Variants in HECTD2 observed in about 807,000 individuals in gnomAD.
HECTD2 encodes probable E3 ubiquitin-protein ligase HECTD2.
In HECTD2, 35 loss-of-function variants were observed where a neutral mutation model predicts 103.2. The observed-to-expected ratio is 0.34, with a 90% confidence interval of 0.26 to 0.45. HECTD2 has a LOEUF of 0.45. HECTD2 is among the 20% of genes least tolerant of loss of function. The pLI is 1.00. For missense variants in HECTD2, 596 were observed against 937.4 expected (o/e 0.64, Z 4.76); for synonymous variants, 281 against 329.9 (o/e 0.85, Z 1.61).
intron 5 of HECTD2, among the ~76,000 whole-genome samples, chr10:91,464,016 CAG>C (rs1845446303): frequency 6.6e-6 from 1 of 152,040 alleles, no homozygotes; most frequent in Non-Finnish European, 1.5e-5. Flanking sequence ...AACTAAGAAA[CAG>C]AATTAACCTA....
intron 2 of HECTD2, among the ~76,000 whole-genome samples, chr10:91,437,648 GT>G (rs1172556159): frequency 9.8e-5 from 9 of 91,730 alleles, no homozygotes; most frequent in African/African-American, 3.3e-4. Flanking sequence ...TGGTTGTTTT[GT>G]TTTTTTTGTT....
At position 91,501,247 on chromosome 10, in the gene HECTD2, A is replaced by G. The variant is rs1055208138; in HGVS notation, c.2123A>G (p.His708Arg). The G allele has an allele frequency of 8.1e-6, 13 of 1,610,374 alleles. No homozygotes were observed. The highest frequency in any genetic ancestry group is 1.7e-5 in the Admixed American group (1 of 59,756). ...FPLDLQKKLLHFTTGSDRVPV... is the reference protein window; with the variant it reads ...FPLDLQKKLLRFTTGSDRVPV... Reference sequence around the variant, plus strand: ...CTTGATCTTCAAAAGAAGTTGCTACATTTTACTACAGGGAGTGACAGAGTA... The same window carrying G: ...CTTGATCTTCAAAAGAAGTTGCTACGTTTTACTACAGGGAGTGACAGAGTA... The change falls in exon 20 of 21, where the codon CAT becomes CGT. Residue 708 changes from histidine (H) to arginine (R), a missense_variant. Coordinates refer to ENST00000298068, the MANE Select transcript of HECTD2 (RefSeq NM_182765.6).
At chr10:91,410,283 A>AAGGCGC (rs1476075802), upstream of HECTD2, 42 of 213,180 alleles carry the variant, frequency 2.0e-4, no homozygotes, top group Admixed American at 2.7e-4. Flanking sequence ...CTCGCGCGCA[A>AAGGCGC]AGGCGCGGGC....
At chr10:91,500,814 A>G (rs1846871433) in intron 19 of HECTD2, among the ~76,000 whole-genome samples, 197 bp downstream of exon 19, 1 of 152,204 alleles carries the variant, frequency 6.6e-6, no homozygotes. Context: ...AGAAAATTCT[A>G]TAAGCAAGTT....
chr10:91,490,890 C>CA (rs61035151), intron 11 of HECTD2, among the ~76,000 whole-genome samples: 1,291 of 13,576 alleles, frequency 0.095, 347 homozygotes, highest in African/African-American at 0.17. Context: ...GACTCCGTCT[C>CA]AAAAAAAAAA....
intron 1 of HECTD2, among the ~76,000 whole-genome samples, chr10:91,411,226 G>C (rs1842906227): frequency 6.6e-6 from 1 of 152,046 alleles, no homozygotes; most frequent in South Asian, 2.1e-4. Flanking sequence ...CTGTATCTTC[G>C]TAAGGGTTAT....
At chr10:91,474,443 A>G (rs565142965) in intron 5 of HECTD2, among the ~76,000 whole-genome samples, 8 of 152,370 alleles carry the variant, frequency 5.3e-5, no homozygotes, top group African/African-American at 1.7e-4. Flanking sequence ...CTTCTAAACC[A>G]AAGGAAGTTG....
chr10:91,496,245 C>G lies in HECTD2; in HGVS notation c.1553C>G (p.Thr518Ser), dbSNP rs1403604261. The change falls in exon 15 of 21, where the codon ACC becomes AGC. Residue 518 changes from threonine to serine, a missense_variant. Thr to Ser is a moderately conservative substitution (Grantham distance 58). Coordinates refer to ENST00000298068, the MANE Select transcript of HECTD2 (RefSeq NM_182765.6). ...GGACTAGCTGTTTATAACAGCATCA[C>G]CTTGGATATTCGTTTCCCTCCCTGC... is the stretch of plus-strand genomic sequence containing the variant. ...LMGLAVYNSITLDIRFPPCCY... is the reference protein window; with the variant it reads ...LMGLAVYNSISLDIRFPPCCY... The G allele has an allele frequency of 1.9e-6, 3 of 1,612,624 alleles. No homozygotes were observed. The Admixed American group carries it at 5.0e-5, about 27-fold the overall frequency.
At chr10:91,437,964 A>G (rs913554040) in intron 2 of HECTD2, among the ~76,000 whole-genome samples, 2 of 152,018 alleles carry the variant, frequency 1.3e-5, no homozygotes, top group South Asian at 2.1e-4. Flanking sequence ...TTAAAAAAAC[A>G]ATTTATTAGA....
At chr10:91,471,003 G>C (rs11186578) in intron 5 of HECTD2, among the ~76,000 whole-genome samples, 4 of 143,902 alleles carry the variant, frequency 2.8e-5, no homozygotes, top group Admixed American at 1.3e-4. Flanking sequence ...CACACACACA[G>C]ACACACACGC....
intron 2 of HECTD2, among the ~76,000 whole-genome samples, chr10:91,428,222 T>C (rs1470473227): frequency 6.6e-6 from 1 of 151,970 alleles, no homozygotes; most frequent in Non-Finnish European, 1.5e-5. Context: ...CTCTGTTCCG[T>C]TCCATTGATC....
intron 2 of HECTD2, among the ~76,000 whole-genome samples, chr10:91,439,194 G>A (rs1174907088): frequency 6.6e-6 from 1 of 152,114 alleles, no homozygotes; most frequent in African/African-American, 2.4e-5. Flanking sequence ...TTCTTCTAGG[G>A]TTTTTATGGT....
At chr10:91,491,331 T>A in intron 12 of HECTD2, 24 bp downstream of exon 12, 1 of 1,072,624 alleles carries the variant, frequency 9.3e-7, no homozygotes. Context: ...CAAAATGATA[T>A]TAATTAAAGC....
At chr10:91,433,057 A>G (rs1843960878) in intron 2 of HECTD2, among the ~76,000 whole-genome samples, 1 of 151,978 alleles carries the variant, frequency 6.6e-6, no homozygotes, top group Non-Finnish European at 1.5e-5. Context: ...AAGGATTCCT[A>G]CCTTAGAAGA....
intron 2 of HECTD2, among the ~76,000 whole-genome samples, chr10:91,432,736 G>A (rs192700020): frequency 7.6e-4 from 115 of 152,012 alleles, no homozygotes; most frequent in African/African-American, 2.4e-3. Flanking sequence ...CATTTACCTT[G>A]AGAGCAAGCT....
chr10:91,474,334 G>A (rs183549025), intron 5 of HECTD2, among the ~76,000 whole-genome samples: 7 of 152,226 alleles, frequency 4.6e-5, no homozygotes, highest in Admixed American at 4.6e-4. Flanking sequence ...GGTTAGAAGA[G>A]ACTATCACTT....
chr10:91,458,397 C>G (rs746212961), intron 2 of HECTD2, among the ~76,000 whole-genome samples: 12 of 151,856 alleles, frequency 7.9e-5, no homozygotes, highest in African/African-American at 1.9e-4. Context: ...TGTCAAAATT[C>G]CTGTATGTTT....
intron 15 of HECTD2, among the ~76,000 whole-genome samples, chr10:91,496,848 A>T (rs1336455712): frequency 1.3e-5 from 2 of 151,964 alleles, no homozygotes; most frequent in Non-Finnish European, 2.9e-5. Context: ...TTAAAATAAA[A>T]CTTTAATTTT....
intron 6 of HECTD2, among the ~76,000 whole-genome samples, chr10:91,479,670 T>A (rs1418765334): frequency 1.3e-5 from 2 of 152,168 alleles, no homozygotes; most frequent in Non-Finnish European, 2.9e-5. Context: ...TTCTGAGCAT[T>A]TATGTAAAAA....
Sources: gnomAD v4.1 joint callset for allele counts (sites outside exome capture counted in the v4.1 genomes callset) on GRCh38, gnomAD v4.1.1 for gene constraint, MANE v1.5 for transcripts, NCBI Gene and HGNC (gene_info 2026-07-23, HGNC 2026-07-21) for gene names.